Variants in GABARAPL2 observed in about 807,000 individuals in gnomAD.
GABARAPL2 encodes gamma-aminobutyric acid receptor-associated protein-like 2.
In GABARAPL2, 11 loss-of-function variants were observed where a neutral mutation model predicts 16.9. The observed-to-expected ratio is 0.65, with a 90% CI of 0.41 to 1.08. The LOEUF (loss-of-function observed/expected upper bound fraction) is 1.08. Ranked by LOEUF, GABARAPL2 falls within the 50% of genes least tolerant of loss-of-function variation. GABARAPL2 has a pLI of 0.00. For missense variants in GABARAPL2, 134 were observed against 142.5 expected (o/e 0.94, Z 0.30); for synonymous variants, 57 against 50.7 (o/e 1.12, Z -0.53).
intron 2 of GABARAPL2, among the ~76,000 whole-genome samples, chr16:75,567,673 AG>A (rs970468229): frequency 4.6e-5 from 7 of 152,184 alleles, no homozygotes; most frequent in Non-Finnish European, 8.8e-5. Flanking sequence ...TTGGGAACAC[AG>A]TAGTGTTTCC....
chr16:75,570,951 A>G (rs2080910617), intron 3 of GABARAPL2, among the ~76,000 whole-genome samples: 1 of 152,224 alleles, frequency 6.6e-6, no homozygotes, highest in Non-Finnish European at 1.5e-5. Context: ...ATGACGTTAG[A>G]GGGGAACTCA....
chr16:75,570,510 C>G (rs1265550639), intron 3 of GABARAPL2, among the ~76,000 whole-genome samples: 2 of 152,080 alleles, frequency 1.3e-5, no homozygotes, highest in African/African-American at 4.8e-5. Flanking sequence ...CAAAGAGTGG[C>G]TGGGGAAATT....
intron 1 of GABARAPL2, 116 bp from the exon 2 acceptor site, chr16:75,566,736 G>T: frequency 2.7e-6 from 3 of 1,096,210 alleles, no homozygotes; most frequent in Non-Finnish European, 4.1e-6. Context: ...CCGCGGCCCC[G>T]GGGACGCCGG....
intron 3 of GABARAPL2, among the ~76,000 whole-genome samples, chr16:75,570,946 G>A (rs776051516): frequency 6.6e-6 from 1 of 152,200 alleles, no homozygotes; most frequent in South Asian, 2.1e-4. Context: ...TAGTCATGAC[G>A]TTAGAGGGGA....
At chr16:75,571,092 G>A (rs1229472181) in intron 3 of GABARAPL2, among the ~76,000 whole-genome samples, 2 of 152,072 alleles carry the variant, frequency 1.3e-5, no homozygotes, top group Non-Finnish European at 2.9e-5. Flanking sequence ...ATTTTTTATT[G>A]TTGTTGAGAC....
At chr16:75,567,935 C>A in intron 2 of GABARAPL2, 102 bp from the exon 3 acceptor site, 2 of 794,604 alleles carry the variant, frequency 2.5e-6, no homozygotes, top group Non-Finnish European at 4.1e-6. Context: ...TGCAGTTCCC[C>A]ACCCACCTCC....
chr16:75,567,581 G>A (rs1716985361), intron 2 of GABARAPL2, among the ~76,000 whole-genome samples: 1 of 152,204 alleles, frequency 6.6e-6, no homozygotes, highest in African/African-American at 2.4e-5. Context: ...AGGAGCAACA[G>A]GCCAAATGAA....
In GABARAPL2 at chr16:75,566,407, G is replaced by C; in HGVS notation, c.-80G>C. Reference sequence around the variant, plus strand: ...CGCCGCCGTCGCTGCCGCTGCCGCTGCCGCCGTCGTTGTTGTTGTGCTCGG... The same window carrying C: ...CGCCGCCGTCGCTGCCGCTGCCGCTCCCGCCGTCGTTGTTGTTGTGCTCGG... On this transcript the variant is annotated 5_prime_UTR_variant, in exon 1 of 4. Coordinates refer to ENST00000037243, the MANE Select transcript of GABARAPL2 (RefSeq NM_007285.7). 3 of 1,096,196 alleles carry C rather than the reference G, an allele frequency of 2.7e-6. No individual in the cohort carries two copies. Among genetic ancestry groups the C allele is most frequent in the Non-Finnish European group, 2.7e-6 (2 of 737,280 alleles). 67.9% of individuals were successfully genotyped at this position (1,096,196 alleles called of 1,614,324 possible).
Position 75,568,203 on chromosome 16 carries a change from A to G in GABARAPL2, c.257A>G (p.Gln86Arg). The change falls in exon 3 of 4, where the codon CAG (glutamine) becomes CGG (arginine). Residue 86 changes from glutamine to arginine, a missense_variant. By Grantham distance (43) the Gln-to-Arg change is conservative. Coordinates refer to ENST00000037243, the MANE Select transcript of GABARAPL2 (RefSeq NM_007285.7). The part of the protein sequence containing the change: ...IFLFVDKTVP[Q>R]SSLTMGQLYE... ...CTGTTTGTGGATAAGACAGTCCCACAGTCCAGGTGAGAGGTGTTTACTAGA... is the reference window on the plus strand; with the variant it reads ...CTGTTTGTGGATAAGACAGTCCCACGGTCCAGGTGAGAGGTGTTTACTAGA... 1 of 1,598,286 alleles carries G rather than the reference A, an allele frequency of 6.3e-7. No homozygotes were observed. The highest frequency in any genetic ancestry group is 8.6e-7 in the Non-Finnish European group (1 of 1,166,644).
chr16:75,576,124 T>C (rs1332023579), intron 3 of GABARAPL2: 1 of 152,234 alleles, frequency 6.6e-6, no homozygotes, highest in Non-Finnish European at 1.5e-5. Flanking sequence ...GAGCACCGTT[T>C]TTATTGTACA....
chr16:75,567,927 C>G, intron 2 of GABARAPL2, 110 bp from the exon 3 acceptor site: 1 of 705,676 alleles, frequency 1.4e-6, no homozygotes, highest in Admixed American at 2.3e-5. Flanking sequence ...TCCTGCTATG[C>G]AGTTCCCCAC....
At chr16:75,577,197 A>G (rs2080954627) in intron 3 of GABARAPL2, 82 bp from the exon 4 acceptor site, 3 of 833,974 alleles carry the variant, frequency 3.6e-6, no homozygotes, top group African/African-American at 1.7e-5. Flanking sequence ...AAGTCTTACT[A>G]AATTCCTGTC....
chr16:75,566,895 C>T lies in GABARAPL2; in HGVS notation c.78C>T (p.Pro26=), dbSNP rs11556293. 6.2e-7 allele frequency: 1 copy of T among 1,613,398 alleles called. No individual in the cohort carries two copies. The highest frequency in any genetic ancestry group is 1.3e-5 in the African/African-American group (1 of 75,054). ...VESAKIRAKY[P]DRVPVIVEKV... is the part of the protein sequence containing the mutation. The stretch of plus-strand genomic sequence containing the variant: ...CCGCGAAGATTCGAGCGAAATATCC[C>T]GACAGGGTTCCGGTGAGTGGACTCT... Residue 26 remains proline, a synonymous_variant, in exon 2 of 4, where the codon CCC becomes CCT. Coordinates refer to ENST00000037243, the MANE Select transcript of GABARAPL2 (RefSeq NM_007285.7).
At chr16:75,566,633 C>T (rs1316338341) in intron 1 of GABARAPL2, 113 bp downstream of exon 1, 8 of 1,249,700 alleles carry the variant, frequency 6.4e-6, no homozygotes, top group Non-Finnish European at 7.9e-6. Flanking sequence ...CTGCTGCGGG[C>T]TGGAGTCGCC....
At chr16:75,577,135 T>C (rs1306925514) in intron 3 of GABARAPL2, 144 bp from the exon 4 acceptor site, 2 of 597,080 alleles carry the variant, frequency 3.3e-6, no homozygotes. Flanking sequence ...TTATGGCTCC[T>C]TTCTCTTGCT....
chr16:75,566,411 C>T lies in GABARAPL2; in HGVS notation c.-76C>T, dbSNP rs2080882174. 6.2e-6 allele frequency: 7 copies of T among 1,129,822 alleles called. No individual in the cohort carries two copies. Among genetic ancestry groups the T allele is most frequent in the Admixed American group, 2.0e-5 (1 of 51,240 alleles). 70.0% of individuals were successfully genotyped at this position (1,129,822 alleles called of 1,614,324 possible). On this transcript the variant is annotated 5_prime_UTR_variant, in exon 1 of 4. Transcript: ENST00000037243. ...GCCGTCGCTGCCGCTGCCGCTGCCG[C>T]CGTCGTTGTTGTTGTGCTCGGTGCG...
At chr16:75,567,938 C>T in intron 2 of GABARAPL2, 99 bp from the exon 3 acceptor site, 3 of 823,368 alleles carry the variant, frequency 3.6e-6, no homozygotes, top group Middle Eastern at 3.9e-4. Flanking sequence ...AGTTCCCCAC[C>T]CACCTCCTTG....
chr16:75,577,834 A>G lies in GABARAPL2; in HGVS notation c.*465A>G, dbSNP rs2151721190. 6.4e-6 allele frequency: 1 copy of G among 156,870 alleles called. No homozygotes were observed. Among genetic ancestry groups the G allele is most frequent in the South Asian group, 1.9e-4 (1 of 5,320 alleles). The allele number at this position is 156,870 out of a possible 1,614,324, so 9.7% of individuals were successfully genotyped here. A position where few individuals can be genotyped will look rare whatever the true frequency, so the allele number is the denominator to read the frequency against. ...CTGAGCTAATTTGTTCCTCTTTCTG[A>G]AACTATTAAGGTAAATAATTAACAA... On this transcript the variant is annotated 3_prime_UTR_variant, in exon 4 of 4. Coordinates refer to ENST00000037243, the MANE Select transcript of GABARAPL2 (RefSeq NM_007285.7).
intron 3 of GABARAPL2, among the ~76,000 whole-genome samples, chr16:75,569,568 G>C (rs908096162): frequency 6.6e-6 from 1 of 152,212 alleles, no homozygotes; most frequent in Non-Finnish European, 1.5e-5. Flanking sequence ...CAGAGCCTTG[G>C]TGACTCTGTG....
Sources: allele counts gnomAD v4.1 joint callset (sites outside exome capture counted in the v4.1 genomes callset), GRCh38; gene constraint gnomAD v4.1.1; transcripts MANE v1.5; gene names NCBI Gene and HGNC (gene_info 2026-07-23, HGNC 2026-07-21).